ADAMTS9: variants seen among roughly 807,000 people sequenced by gnomAD.
ADAMTS9 encodes A disintegrin and metalloproteinase with thrombospondin motifs 9.
In ADAMTS9, 107 loss-of-function variants were observed where a neutral mutation model predicts 257.1. The ratio of observed to expected loss-of-function variants is 0.42; its 90% confidence interval spans 0.36 to 0.49. The LOEUF is 0.49. ADAMTS9 is among the 20% of genes least tolerant of loss of function. The pLI, the probability that ADAMTS9 is intolerant of heterozygous loss-of-function variation, is 0.03. For synonymous variants in ADAMTS9, 982 were observed against 880.9 expected (o/e 1.11, Z -2.03); for missense variants, 2,353 against 2,469.1 (o/e 0.95, Z 1.00).
chr3:64,622,033 C>T (rs1700120335), intron 18 of ADAMTS9, among the ~76,000 whole-genome samples, 165 bp downstream of exon 18: 1 of 151,898 alleles, frequency 6.6e-6, no homozygotes, highest in Non-Finnish European at 1.5e-5. Context: ...TTAAAAAGTT[C>T]AACTTCCCAG....
chr3:64,542,197 T>G (rs1378565851), intron 32 of ADAMTS9, among the ~76,000 whole-genome samples: 1 of 149,674 alleles, frequency 6.7e-6, no homozygotes, highest in East Asian at 2.0e-4. Context: ...TATATATGTA[T>G]AAAACACTTA....
At chr3:64,546,634 G>T in intron 32 of ADAMTS9, 124 bp downstream of exon 32, 1 of 1,030,620 alleles carries the variant, frequency 9.7e-7, no homozygotes, top group Non-Finnish European at 1.4e-6. Context: ...CCCATTTCAA[G>T]TTGCTAACTC....
At chr3:64,578,539 G>A (rs2083915331) in intron 28 of ADAMTS9, among the ~76,000 whole-genome samples, 1 of 152,018 alleles carries the variant, frequency 6.6e-6, no homozygotes, top group Non-Finnish European at 1.5e-5. Context: ...GACCTGGTCT[G>A]ACTGGAAATA....
chr3:64,650,296 C>G (rs1000223445), intron 9 of ADAMTS9: 1 of 152,634 alleles, frequency 6.6e-6, no homozygotes, highest in African/African-American at 2.4e-5. Context: ...AATTCACACC[C>G]GTTGAGTTCT....
chr3:64,653,285 G>A (rs1284178100), intron 8 of ADAMTS9, among the ~76,000 whole-genome samples: 1 of 152,202 alleles, frequency 6.6e-6, no homozygotes. Context: ...AAACCACGAG[G>A]ATAGAGACGA....
rs141137059 is a variant in ADAMTS9, at chr3:64,580,326, T to C, written c.4357-11791A>G. Among the ~76,000 whole-genome samples, 224 of 152,310 alleles carry C rather than the reference T, an allele frequency of 1.5e-3. 1 individual carries two copies. The highest frequency in any genetic ancestry group is 2.4e-3 in the Non-Finnish European group (160 of 68,028). Reference sequence around the variant, plus strand: ...TTCATTTAGAAAAAGCCTTGCTTTCTAAGTATAGGATATCCAGGACTCTAA... The same window carrying C: ...TTCATTTAGAAAAAGCCTTGCTTTCCAAGTATAGGATATCCAGGACTCTAA... On this transcript the variant is annotated intron_variant, in intron 28 of 39. Coordinates refer to ENST00000498707, the MANE Select transcript of ADAMTS9 (RefSeq NM_182920.2).
chr3:64,582,030 A>T (rs2084016676), intron 28 of ADAMTS9, among the ~76,000 whole-genome samples: 1 of 152,106 alleles, frequency 6.6e-6, no homozygotes, highest in Non-Finnish European at 1.5e-5. Flanking sequence ...AAGAATTGAG[A>T]TTGATTTTCC....
intron 12 of ADAMTS9, among the ~76,000 whole-genome samples, chr3:64,635,759 T>C (rs944695932): frequency 6.6e-6 from 1 of 152,188 alleles, no homozygotes; most frequent in African/African-American, 2.4e-5. Flanking sequence ...CAGAGTCTTT[T>C]TTTTTCTTTT....
At chr3:64,561,442 A>G in intron 30 of ADAMTS9, 136 bp downstream of exon 30, 1 of 972,988 alleles carries the variant, frequency 1.0e-6, no homozygotes, top group Non-Finnish European at 1.5e-6. Flanking sequence ...CGAGTCTGAC[A>G]GTGAACCTTT....
intron 30 of ADAMTS9, among the ~76,000 whole-genome samples, chr3:64,556,235 G>C (rs541921540): frequency 7.2e-5 from 11 of 152,328 alleles, no homozygotes; most frequent in African/African-American, 2.6e-4. Context: ...AGACATATCT[G>C]AGCACAGCTT....
intron 3 of ADAMTS9, 51 bp from the exon 4 acceptor site, chr3:64,658,842 T>C (rs1298655774): frequency 9.2e-6 from 14 of 1,523,878 alleles, no homozygotes; most frequent in Non-Finnish European, 4.4e-6. Context: ...ATCTATTTTA[T>C]ATTAAGAATT....
intron 30 of ADAMTS9, among the ~76,000 whole-genome samples, chr3:64,560,448 G>A (rs938615107): frequency 3.3e-5 from 5 of 152,138 alleles, no homozygotes; most frequent in African/African-American, 9.7e-5. Context: ...AGGGCTGGGC[G>A]GCTGAATCCC....
chr3:64,659,196 G>A (rs1411772854), intron 3 of ADAMTS9, among the ~76,000 whole-genome samples: 1 of 152,156 alleles, frequency 6.6e-6, no homozygotes, highest in African/African-American at 2.4e-5. Context: ...GGCTGGGCAC[G>A]GTGGCCCATG....
rs778303867 is a variant in ADAMTS9, at chr3:64,633,857, A to G, written c.1879T>C (p.Cys627Arg). 1 of 1,613,068 alleles carries G rather than the reference A, an allele frequency of 6.2e-7. No homozygotes were observed. Among genetic ancestry groups the G allele is most frequent in the Non-Finnish European group, 8.5e-7 (1 of 1,179,706 alleles). The change falls in exon 13 of 40, where the codon TGT becomes CGT. Residue 627 changes from cysteine to arginine, a missense_variant. Transcript: ENST00000498707. The part of the protein sequence containing the change: ...RPEPKNGGKY[C>R]VGRRMKFKSC... Reference sequence around the variant, plus strand: ...TTAAATTTCATTCTACGTCCTACACAGTATTTTCCACCATTTTTTGGTCTG... The same window carrying G: ...TTAAATTTCATTCTACGTCCTACACGGTATTTTCCACCATTTTTTGGTCTG...
intron 29 of ADAMTS9, among the ~76,000 whole-genome samples, chr3:64,565,996 G>A (rs1226046955): frequency 6.6e-6 from 1 of 152,096 alleles, no homozygotes; most frequent in Non-Finnish European, 1.5e-5. Context: ...GTTTCTATCC[G>A]AATATCCTAT....
At chr3:64,580,443 G>C (rs1039388886) in intron 28 of ADAMTS9, among the ~76,000 whole-genome samples, 1 of 152,134 alleles carries the variant, frequency 6.6e-6, no homozygotes. Flanking sequence ...CAGTCCCCAC[G>C]AAGTCTAACT....
chr3:64,604,195 G>C (rs929847628), intron 24 of ADAMTS9, 32 bp downstream of exon 24: 1 of 1,602,700 alleles, frequency 6.2e-7, no homozygotes, highest in Non-Finnish European at 8.5e-7. Context: ...CCCCCATCCT[G>C]CCCTCCCCAT....
At chr3:64,666,698 A>T (rs186644894) in intron 3 of ADAMTS9, among the ~76,000 whole-genome samples, 81 of 152,380 alleles carry the variant, frequency 5.3e-4, no homozygotes, top group Non-Finnish European at 1.1e-3. Flanking sequence ...TAATACATAA[A>T]ATGCCCTTAA....
chr3:64,622,478 T>C lies in ADAMTS9; in HGVS notation c.2498A>G (p.Glu833Gly). Reference protein sequence around the residue: ...GNAVVEYSGSETAVERINSTD... With the variant: ...GNAVVEYSGSGTAVERINSTD... ...TGAGTTAATTCTTTCTACGGCAGTC[T>C]CGGACCCACTGTACTCTACCACAGC... The change falls in exon 17 of 40, where the codon GAG (glutamate) becomes GGG (glycine). Residue 833 changes from glutamate to glycine, a missense_variant. Transcript: ENST00000498707. 7 of 1,614,118 alleles carry C rather than the reference T, an allele frequency of 4.3e-6. No individual in the cohort carries two copies. Among genetic ancestry groups the C allele is most frequent in the Non-Finnish European group, 5.9e-6 (7 of 1,179,986 alleles).
Sources: gnomAD v4.1 joint callset for allele counts (sites outside exome capture counted in the v4.1 genomes callset) on GRCh38, gnomAD v4.1.1 for gene constraint, MANE v1.5 for transcripts, NCBI Gene and HGNC (gene_info 2026-07-23, HGNC 2026-07-21) for gene names.